RD3L: variants seen among roughly 807,000 people sequenced by gnomAD.
The protein encoded by RD3L is protein RD3-like.
Under a neutral mutation model 12.5 loss-of-function variants are expected in RD3L, and 6 were observed. The ratio of observed to expected loss-of-function variants is 0.48; its 90% CI spans 0.26 to 0.95. RD3L has a LOEUF of 0.95. Ranked by LOEUF, RD3L falls within the 40% of genes least tolerant of loss-of-function variation. The pLI is 0.14. For missense variants in RD3L, 234 were observed against 228.6 expected, an observed-to-expected ratio of 1.02 and a Z score of -0.15; for synonymous variants, 87 against 79.3, an observed-to-expected ratio of 1.10 and a Z score of -0.52.
Position 103,940,962 on chromosome 14 carries a change from G to A in RD3L, c.441C>T (p.Cys147=). 2.0e-6 allele frequency: 3 copies of A among 1,535,420 alleles called. No homozygotes were observed. Among genetic ancestry groups the A allele is most frequent in the Non-Finnish European group, 2.6e-6 (3 of 1,146,736 alleles). The change falls in exon 3 of 3, where the codon TGC becomes TGT. Residue 147 remains cysteine (C), a synonymous_variant. Coordinates refer to ENST00000557640, the MANE Select transcript of RD3L (RefSeq NM_001257268.2). ...EDLEDSGSMD[C]SAPSVIQGDS... is the part of the protein sequence containing the mutation. ...CACCTTGGATCACAGAAGGAGCAGA[G>A]CAGTCCATGCTCCCTGAGTCCTCCA... is the stretch of plus-strand genomic sequence containing the variant.
chr14:103,941,876 A>G (rs2031256883), intron 1 of RD3L, among the ~76,000 whole-genome samples, 174 bp from the exon 2 acceptor site: 1 of 152,228 alleles, frequency 6.6e-6, no homozygotes, highest in Admixed American at 6.5e-5. Flanking sequence ...TAACTAGGTC[A>G]GTGGCAGAAA....
Position 103,941,510 on chromosome 14 carries a change from G to A in RD3L, c.186C>T (p.Asn62=), listed in dbSNP as rs148275888. ...GGGGATTCTGGTAGTTTCTGAGCCA[G>A]TTGTAATCCACACCTGTTTTTTTCA... ...QKVKKTGVDY[N]WLRNYQNPHT... The change falls in exon 2 of 3, where the codon AAC becomes AAT. Residue 62 remains asparagine (N), a synonymous_variant. Coordinates refer to ENST00000557640, the MANE Select transcript of RD3L (RefSeq NM_001257268.2). 1,496 of 1,535,244 alleles carry A rather than the reference G, an allele frequency of 9.7e-4. 11 individuals carry two copies. The African/African-American group carries it at 0.018, about 18-fold the overall frequency.
At chr14:103,941,142 T>A in intron 2 of RD3L, 39 bp from the exon 3 acceptor site, 1 of 1,443,234 alleles carries the variant, frequency 6.9e-7, no homozygotes, top group Non-Finnish European at 9.3e-7. Flanking sequence ...GTTTAGAACA[T>A]TTTTTGTTAT....
In RD3L at chr14:103,941,450, A is replaced by C. The variant is rs1386616354; in HGVS notation, c.246T>G (p.Leu82=). Residue 82 remains leucine, a synonymous_variant, in exon 2 of 3, where the codon CTT becomes CTG. Coordinates refer to ENST00000557640, the MANE Select transcript of RD3L (RefSeq NM_001257268.2). ...GTTGAACTTGTGAGCAAAGAACTTC[A>C]AGTTGTCTTTGTTCAGTCACTGGGA... ...TTIPVTEQRQ[L]EVLCSQVQPC... is the part of the protein sequence containing the mutation. 6.5e-7 allele frequency: 1 copy of C among 1,535,308 alleles called. No homozygotes were observed. Among genetic ancestry groups the C allele is most frequent in the African/African-American group, 1.4e-5 (1 of 73,140 alleles).
chr14:103,941,155 C>T (rs930225846), intron 2 of RD3L, 52 bp from the exon 3 acceptor site: 1 of 1,335,284 alleles, frequency 7.5e-7, no homozygotes, highest in Admixed American at 2.3e-5. Flanking sequence ...TTTGTTATAT[C>T]TCTTTATCTC....
chr14:103,941,274 A>G (rs1293321546), intron 2 of RD3L, 123 bp downstream of exon 2: 9 of 891,602 alleles, frequency 1.0e-5, no homozygotes, highest in African/African-American at 3.5e-5. Context: ...ATTTAAAACA[A>G]TTGCTCACCA....
chr14:103,940,478 G>T lies in RD3L; in HGVS notation c.*328C>A. ...TATGTAGCTTCATTGTAGAATAAAA[G>T]TCAAGGTTAATATCTAAGTTTTGTA... On this transcript the variant is annotated 3_prime_UTR_variant, in exon 3 of 3. Coordinates refer to ENST00000557640, the MANE Select transcript of RD3L (RefSeq NM_001257268.2). The T allele has an allele frequency of 9.9e-6, 2 of 201,224 alleles. No individual in the cohort carries two copies. The highest frequency in any genetic ancestry group is 2.0e-5 in the Non-Finnish European group (2 of 99,544). 12.5% of individuals were successfully genotyped at this position (201,224 alleles called of 1,614,324 possible). A position where few individuals can be genotyped will look rare whatever the true frequency, so the allele number is the denominator to read the frequency against.
chr14:103,941,777 T>C (rs756844072), intron 1 of RD3L, 75 bp from the exon 2 acceptor site: 19 of 1,170,164 alleles, frequency 1.6e-5, no homozygotes, highest in Admixed American at 3.1e-5. Context: ...TTCTTTACAA[T>C]AAATTTGCCC....
Position 103,941,660 on chromosome 14 carries a change from GT to G in RD3L, c.35del (p.Asn12ThrfsTer14). 1 of 1,527,968 alleles carries G rather than the reference GT, an allele frequency of 6.5e-7. No homozygotes were observed. 94.7% of individuals were successfully genotyped at this position (1,527,968 alleles called of 1,614,324 possible). ...GATAGTGTGTGGGTTTGTAGGAATC[GT>G]TTTTGGGCCATTTCATCCAGCCAAA... ...PLFGWMKWPKNDSYKPTHYPG... is the reference protein window; with the variant it reads ...PLFGWMKWPKXDSYKPTHYPG... On this transcript the variant is annotated frameshift_variant, in exon 2 of 3. Transcript: ENST00000557640. LOFTEE classifies it high-confidence loss of function.
Position 103,940,917 on chromosome 14 carries a change from G to T in RD3L, c.486C>A (p.Asp162Glu), listed in dbSNP as rs547372848. ...TGGAAATGGTGGGTATTTCATCTTT[G>T]TCTGCCCTCTTGGAGCTGTCACCTT... Reference protein sequence around the residue: ...VIQGDSSKRADKDEIPTISSY... With the variant: ...VIQGDSSKRAEKDEIPTISSY... The change falls in exon 3 of 3, where the codon GAC becomes GAA. Residue 162 changes from aspartate (D) to glutamate (E), a missense_variant. Physicochemically the swap from Asp to Glu is conservative, Grantham distance 45. Coordinates refer to ENST00000557640, the MANE Select transcript of RD3L (RefSeq NM_001257268.2). The T allele has an allele frequency of 1.3e-6, 2 of 1,535,384 alleles. No individual in the cohort carries two copies. Among genetic ancestry groups the T allele is most frequent in the Non-Finnish European group, 1.7e-6 (2 of 1,146,670 alleles).
At chr14:103,942,063 G>C in intron 1 of RD3L, 29 bp downstream of exon 1, 1 of 202,916 alleles carries the variant, frequency 4.9e-6, no homozygotes. Context: ...TTTGATTTAT[G>C]TTTTGGACAG....
chr14:103,940,860 G>T lies in RD3L; in HGVS notation c.543C>A (p.Phe181Leu). ...TCCATATTCTGTGTGAGAACACTGG[G>T]AACCTGTCCTTTGTGTTTTTGTCTA... ...SYVDKNTKDRFPVFSHRIWNL... is the reference protein window; with the variant it reads ...SYVDKNTKDRLPVFSHRIWNL... The change falls in exon 3 of 3, where the codon TTC becomes TTA. Residue 181 changes from phenylalanine to leucine, a missense_variant. By Grantham distance (22) the Phe-to-Leu change is conservative. Coordinates refer to ENST00000557640, the MANE Select transcript of RD3L (RefSeq NM_001257268.2). 1 of 1,535,320 alleles carries T rather than the reference G, an allele frequency of 6.5e-7. No homozygotes were observed. Among genetic ancestry groups the T allele is most frequent in the Non-Finnish European group, 8.7e-7 (1 of 1,146,620 alleles).
In RD3L at chr14:103,940,971, G is replaced by A; in HGVS notation, c.432C>T (p.Ser144=). The change falls in exon 3 of 3, where the codon AGC becomes AGT. Residue 144 remains serine (S), a synonymous_variant. Coordinates refer to ENST00000557640, the MANE Select transcript of RD3L (RefSeq NM_001257268.2). ...TCACAGAAGGAGCAGAGCAGTCCATGCTCCCTGAGTCCTCCAGGTCCTCTT... is the reference window on the plus strand; with the variant it reads ...TCACAGAAGGAGCAGAGCAGTCCATACTCCCTGAGTCCTCCAGGTCCTCTT... ...SEQEDLEDSG[S]MDCSAPSVIQ... is the part of the protein sequence containing the mutation. 6.5e-7 allele frequency: 1 copy of A among 1,535,446 alleles called. No individual in the cohort carries two copies. Among genetic ancestry groups the A allele is most frequent in the South Asian group, 1.2e-5 (1 of 84,054 alleles).
rs1359824550 is a variant in RD3L, at chr14:103,942,431, A to G, written c.-347T>C. 6.6e-6 allele frequency: 1 copy of G among 152,252 alleles called. No individual in the cohort carries two copies. The highest frequency in any genetic ancestry group is 1.5e-5 in the Non-Finnish European group (1 of 68,054). 9.4% of individuals were successfully genotyped at this position (152,252 alleles called of 1,614,324 possible). On this transcript the variant is annotated 5_prime_UTR_variant, in exon 1 of 3. Transcript: ENST00000557640. ...ATTTGAAAAAAATGCCAGCAGCTATAGATGCTGGTCCTAAATGCATTCCGA... is the reference window on the plus strand; with the variant it reads ...ATTTGAAAAAAATGCCAGCAGCTATGGATGCTGGTCCTAAATGCATTCCGA...
rs892123663 is a variant in RD3L at position 103,941,737 on chromosome 14, A to C, written c.-7-35T>G. 7 of 1,375,450 alleles carry C rather than the reference A, an allele frequency of 5.1e-6. No individual in the cohort carries two copies. The East Asian group carries it at 1.0e-4, about 20-fold the overall frequency. 85.2% of individuals were successfully genotyped at this position (1,375,450 alleles called of 1,614,324 possible). A position where few individuals can be genotyped will look rare whatever the true frequency, so the allele number is the denominator to read the frequency against. On this transcript the variant is annotated intron_variant, in intron 1 of 2. Transcript: ENST00000557640. ...TATTTTCACTTGTTTATTTGCTCAA[A>C]ATGTTATGTTCTTCTGAGCAAATAT...
At position 103,941,660 on chromosome 14, in the gene RD3L, G is replaced by A. The variant is rs777331594; in HGVS notation, c.36C>T (p.Asn12=). The change falls in exon 2 of 3, where the codon AAC becomes AAT. Residue 12 remains asparagine, a synonymous_variant. Coordinates refer to ENST00000557640, the MANE Select transcript of RD3L (RefSeq NM_001257268.2). The part of the protein sequence containing the change: ...PLFGWMKWPK[N]DSYKPTHYPG... ...GATAGTGTGTGGGTTTGTAGGAATC[G>A]TTTTTGGGCCATTTCATCCAGCCAA... The A allele has an allele frequency of 1.4e-5, 21 of 1,527,858 alleles. No individual in the cohort carries two copies. Among genetic ancestry groups the A allele is most frequent in the Non-Finnish European group, 1.8e-5 (21 of 1,143,780 alleles). The allele number at this position is 1,527,858 out of a possible 1,614,324, so 94.6% of individuals were successfully genotyped here.
chr14:103,941,005 CCTCTGTCAGAGCTG>C lies in RD3L; in HGVS notation c.384_397del (p.Ser128ArgfsTer3). ...GTCCTCCAGGTCCTCTTGCTCACTC[CCTCTGTCAGAGCTG>C]CTTAGGAAGTCTTTCAGAACTTGCT... On this transcript the variant is annotated frameshift_variant, in exon 3 of 3. Coordinates refer to ENST00000557640, the MANE Select transcript of RD3L (RefSeq NM_001257268.2). LOFTEE classifies it low-confidence loss of function (END_TRUNC). 6.5e-7 allele frequency: 1 copy of C among 1,535,350 alleles called. No homozygotes were observed. Among genetic ancestry groups the C allele is most frequent in the Non-Finnish European group, 8.7e-7 (1 of 1,146,642 alleles).
chr14:103,940,828 G>A lies in RD3L; in HGVS notation c.575C>T (p.Pro192Leu). The change falls in exon 3 of 3, where the codon CCA becomes CTA. Residue 192 changes from proline to leucine, a missense_variant. Physicochemically the swap from Pro to Leu is moderately conservative, Grantham distance 98. Transcript: ENST00000557640. ...AACTTAACTAGATGGGTGATAATAT[G>A]GTAGGTTCCATATTCTGTGTGAGAA... ...PVFSHRIWNL[P>L]YYHPSS The A allele has an allele frequency of 6.5e-7, 1 of 1,535,030 alleles. No individual in the cohort carries two copies. Among genetic ancestry groups the A allele is most frequent in the Non-Finnish European group, 8.7e-7 (1 of 1,146,362 alleles).
At chr14:103,941,739 T>C (rs371813394) in intron 1 of RD3L, 37 bp from the exon 2 acceptor site, 7 of 1,360,464 alleles carry the variant, frequency 5.1e-6, no homozygotes, top group Non-Finnish European at 2.0e-6. Flanking sequence ...TTGCTCAAAA[T>C]GTTATGTTCT....
Sources: gnomAD v4.1 joint callset for allele counts (sites outside exome capture counted in the v4.1 genomes callset) on GRCh38, gnomAD v4.1.1 for gene constraint, MANE v1.5 for transcripts, NCBI Gene and HGNC (gene_info 2026-07-23, HGNC 2026-07-21) for gene names.